Variants in SKAP2 observed in about 807,000 individuals in gnomAD.
SKAP2 encodes src kinase-associated phosphoprotein 2.
SKAP2 carries 28 observed loss-of-function variants against 54.9 expected under a neutral mutation model. The observed-to-expected ratio is 0.51, with a 90% CI of 0.38 to 0.70. The LOEUF (loss-of-function observed/expected upper bound fraction) is 0.70. Ranked by LOEUF, SKAP2 falls within the 30% of genes least tolerant of loss-of-function variation. The pLI, the probability that SKAP2 is intolerant of heterozygous loss-of-function variation, is 0.00. For missense variants in SKAP2, 356 were observed against 424.1 expected (o/e 0.84, Z 1.41); for synonymous variants, 137 against 134.3 (o/e 1.02, Z -0.14).
At chr7:26,828,494 G>A (rs866039560) in intron 4 of SKAP2, among the ~76,000 whole-genome samples, 21 of 151,160 alleles carry the variant, frequency 1.4e-4, no homozygotes, top group South Asian at 4.2e-4. Context: ...TGGCTAACAC[G>A]GTGAAACCCC....
chr7:26,684,878 A>C, intron 10 of SKAP2, 30 bp from the exon 11 acceptor site: 3 of 1,317,774 alleles, frequency 2.3e-6, no homozygotes, highest in Non-Finnish European at 3.3e-6. Flanking sequence ...AGCATGAATT[A>C]GGGCCTTCAT....
intron 4 of SKAP2, among the ~76,000 whole-genome samples, chr7:26,774,107 G>A (rs1315246463): frequency 6.6e-6 from 1 of 152,146 alleles, no homozygotes; most frequent in Non-Finnish European, 1.5e-5. Context: ...GAAGTCAGGA[G>A]TTCGAGATCA....
At chr7:26,659,810 C>G in the SKAP2 span, among the ~76,000 whole-genome samples, 1 of 151,908 alleles carries the variant, frequency 6.6e-6, no homozygotes, top group Non-Finnish European at 1.5e-5. Context: ...CCCTGTGGCC[C>G]CAAAATAGCT....
rs758548133 is a variant in SKAP2 at position 26,864,446 on chromosome 7, C to T, written c.-17G>A. On this transcript the variant is annotated 5_prime_UTR_variant, in exon 1 of 13. Coordinates refer to ENST00000345317, the MANE Select transcript of SKAP2 (RefSeq NM_003930.5). Reference sequence around the variant, plus strand: ...GTTGGGCATGTTAGGGAGCGCAGGGCGTGCGGGGAAAGGACCTGCGCTGAA... The same window carrying T: ...GTTGGGCATGTTAGGGAGCGCAGGGTGTGCGGGGAAAGGACCTGCGCTGAA... 17 of 1,593,670 alleles carry T rather than the reference C, an allele frequency of 1.1e-5. No homozygotes were observed. The highest frequency in any genetic ancestry group is 1.0e-4 in the Admixed American group (6 of 57,230).
intron 3 of SKAP2, among the ~76,000 whole-genome samples, chr7:26,852,541 C>A (rs1263285923): frequency 6.6e-6 from 1 of 152,142 alleles, no homozygotes; most frequent in East Asian, 1.9e-4. Context: ...TATGAGCAAT[C>A]TCTAAATTCT....
chr7:26,771,969 C>A (rs1333556476), intron 4 of SKAP2, among the ~76,000 whole-genome samples: 1 of 152,160 alleles, frequency 6.6e-6, no homozygotes, highest in East Asian at 1.9e-4. Flanking sequence ...CTTCCTATTC[C>A]TATCGCCTGG....
At chr7:26,791,108 C>T (rs78991373) in intron 4 of SKAP2, among the ~76,000 whole-genome samples, 13 of 152,120 alleles carry the variant, frequency 8.5e-5, no homozygotes, top group East Asian at 3.9e-4. Flanking sequence ...TAACAGGGCA[C>T]GCTCCAAGAG....
chr7:26,800,188 A>C (rs992800796), intron 4 of SKAP2, among the ~76,000 whole-genome samples: 1 of 152,122 alleles, frequency 6.6e-6, no homozygotes, highest in Non-Finnish European at 1.5e-5. Context: ...ACCACAATGG[A>C]ATAAAATTCA....
chr7:26,708,517 T>C (rs1257428267), intron 9 of SKAP2, among the ~76,000 whole-genome samples: 9 of 152,226 alleles, frequency 5.9e-5, no homozygotes. Context: ...CTCTTCCGTA[T>C]ATACCAATAG....
chr7:26,802,781 T>C (rs1370303654), intron 4 of SKAP2, among the ~76,000 whole-genome samples: 1 of 151,782 alleles, frequency 6.6e-6, no homozygotes, highest in Non-Finnish European at 1.5e-5. Flanking sequence ...CTCGGGAGGG[T>C]GAGGCAGGAG....
chr7:26,839,194 C>T (rs996813307), intron 4 of SKAP2, among the ~76,000 whole-genome samples: 1 of 152,022 alleles, frequency 6.6e-6, no homozygotes, highest in Non-Finnish European at 1.5e-5. Context: ...CTAATATATA[C>T]CTTTGTATCA....
chr7:26,684,286 T>C (rs956313939), intron 11 of SKAP2, among the ~76,000 whole-genome samples: 8 of 152,202 alleles, frequency 5.3e-5, no homozygotes, highest in African/African-American at 1.2e-4. Context: ...TGCTTTTAAA[T>C]TGCCGGAACA....
Position 26,670,181 on chromosome 7 carries a change from T to C in SKAP2, c.999A>G (p.Arg333=). The change falls in exon 12 of 13, where the codon AGA becomes AGG. Residue 333 remains arginine, a synonymous_variant. Transcript: ENST00000345317. Reference sequence around the variant, plus strand: ...TCATTTCTCCTACCCACCAGCCATATCTATTGTATTCCTAATTGAAAACAA... The same window carrying C: ...TCATTTCTCCTACCCACCAGCCATACCTATTGTATTCCTAATTGAAAACAA... ...VIYILSKEYN[R]YGWWVGEMKG... is the part of the protein sequence containing the mutation. The C allele has an allele frequency of 6.5e-7, 1 of 1,528,122 alleles. No individual in the cohort carries two copies. Among genetic ancestry groups the C allele is most frequent in the Non-Finnish European group, 9.1e-7 (1 of 1,101,860 alleles). 94.7% of individuals were successfully genotyped at this position (1,528,122 alleles called of 1,614,324 possible).
At chr7:26,753,227 G>C (rs1782722819) in intron 4 of SKAP2, among the ~76,000 whole-genome samples, 2 of 152,154 alleles carry the variant, frequency 1.3e-5, no homozygotes, top group Admixed American at 1.3e-4. Flanking sequence ...ACAGTATCAG[G>C]CTAAAATAGT....
intron 4 of SKAP2, among the ~76,000 whole-genome samples, chr7:26,764,406 C>G (rs912860418): frequency 6.6e-6 from 1 of 152,122 alleles, no homozygotes; most frequent in Non-Finnish European, 1.5e-5. Flanking sequence ...CTAGACGATT[C>G]AATCTTTCTA....
chr7:26,694,627 T>C lies in SKAP2; in HGVS notation c.797-4265A>G, dbSNP rs549757679. 2.2e-3 allele frequency among the ~76,000 whole-genome samples: 329 copies of C among 151,674 alleles called. 1 individual carries two copies. The highest frequency in any genetic ancestry group is 7.5e-3 in the African/African-American group (312 of 41,406). On this transcript the variant is annotated intron_variant, in intron 9 of 12. Coordinates refer to ENST00000345317, the MANE Select transcript of SKAP2 (RefSeq NM_003930.5). ...TTAACAATAAACTCTGTCAAAAATA[T>C]GAAACTTCCAGGAGCAATCAGACCC... is the stretch of plus-strand genomic sequence containing the variant.
intron 3 of SKAP2, among the ~76,000 whole-genome samples, chr7:26,849,088 G>A (rs144476749): frequency 2.3e-3 from 350 of 152,214 alleles, no homozygotes; most frequent in Non-Finnish European, 3.0e-3. Context: ...TGGAGTTATC[G>A]TTCAACAGAA....
chr7:26,854,071 G>A, intron 3 of SKAP2, 66 bp downstream of exon 3: 1 of 1,054,078 alleles, frequency 9.5e-7, no homozygotes, highest in Admixed American at 2.0e-5. Context: ...GTATGTGTTA[G>A]ATTATCCTAT....
At chr7:26,743,001 T>C (rs1265990373) in intron 4 of SKAP2, among the ~76,000 whole-genome samples, 1 of 152,142 alleles carries the variant, frequency 6.6e-6, no homozygotes, top group Non-Finnish European at 1.5e-5. Context: ...AACAAGACTA[T>C]AAAAATACAT....
Sources: allele counts gnomAD v4.1 joint callset (sites outside exome capture counted in the v4.1 genomes callset), GRCh38; gene constraint gnomAD v4.1.1; transcripts MANE v1.5; gene names NCBI Gene and HGNC (gene_info 2026-07-23, HGNC 2026-07-21).